Variants in ACACB observed in about 807,000 individuals in gnomAD.
ACACB encodes acetyl-CoA carboxylase beta.
Under a neutral mutation model 278.8 loss-of-function variants are expected in ACACB, and 209 were observed. That is an observed-to-expected ratio of 0.75 (90% confidence interval 0.67 to 0.84). ACACB has a LOEUF of 0.84. Among genes scored for constraint, ACACB ranks in the 40% least tolerant of loss-of-function variants. The probability of loss-of-function intolerance (pLI) is 0.00; values close to 1 mark genes in which losing one functional copy is unlikely to be tolerated. For synonymous variants in ACACB, 1,174 were observed against 1,285.6 expected (o/e 0.91, Z 1.86); for missense variants, 2,850 against 3,269.0 (o/e 0.87, Z 3.13).
intron 24 of ACACB, among the ~76,000 whole-genome samples, chr12:109,219,263 C>T (rs540825759): frequency 4.6e-5 from 7 of 152,130 alleles, no homozygotes; most frequent in Admixed American, 1.3e-4. Context: ...AGTTTGGCCA[C>T]GATCTCAGAG....
At chr12:109,226,300 A>G (rs778213375) in intron 27 of ACACB, among the ~76,000 whole-genome samples, 4 of 152,124 alleles carry the variant, frequency 2.6e-5, no homozygotes, top group African/African-American at 9.7e-5. Flanking sequence ...AAAGTTACAT[A>G]CACAGCTTGT....
intron 45 of ACACB, 32 bp downstream of exon 45, chr12:109,256,268 G>A (rs2047222120): frequency 1.3e-6 from 2 of 1,592,250 alleles, no homozygotes; most frequent in Non-Finnish European, 1.7e-6. Context: ...GGCTGCCCAT[G>A]TCTGACTCAC....
rs2136869615 is a variant in ACACB, at chr12:109,265,119, G to A, written c.6952G>A (p.Glu2318Lys). 1 of 1,608,858 alleles carries A rather than the reference G, an allele frequency of 6.2e-7. No individual in the cohort carries two copies. Among genetic ancestry groups the A allele is most frequent in the East Asian group, 2.2e-5 (1 of 44,838 alleles). The change falls in exon 51 of 53, where the codon GAG (glutamate) becomes AAG (lysine). Residue 2318 changes from glutamate (E) to lysine (K), a missense_variant. By Grantham distance (56) the Glu-to-Lys change is moderately conservative (BLOSUM62 1). Transcript: ENST00000338432. ...CCTGGCTCGTCCACAGGACATCCTG[G>A]AGTGGAAGACCGCACGCACCTTCCT... The part of the protein sequence containing the change: ...LEKGVISDIL[E>K]WKTARTFLYW...
intron 44 of ACACB, among the ~76,000 whole-genome samples, chr12:109,255,056 T>C (rs772536237): frequency 6.6e-6 from 1 of 152,076 alleles, no homozygotes; most frequent in Non-Finnish European, 1.5e-5. Flanking sequence ...ATTACAGACA[T>C]GAGCCACCAT....
At chr12:109,124,509 G>A (rs1230261325) in intron 1 of ACACB, among the ~76,000 whole-genome samples, 3 of 152,190 alleles carry the variant, frequency 2.0e-5, no homozygotes, top group African/African-American at 7.2e-5. Context: ...CCCACTTTTA[G>A]TGATTTTTGT....
At chr12:109,147,389 T>C (rs1459505675) in intron 2 of ACACB, among the ~76,000 whole-genome samples, 1 of 143,348 alleles carries the variant, frequency 7.0e-6, no homozygotes, top group Non-Finnish European at 1.5e-5. Flanking sequence ...CATGTCTGGC[T>C]ACTTTTTTTT....
chr12:109,160,601 T>C (rs1345264694), intron 2 of ACACB, among the ~76,000 whole-genome samples: 1 of 152,242 alleles, frequency 6.6e-6, no homozygotes, highest in African/African-American at 2.4e-5. Context: ...ACCCTTGCCG[T>C]GCTGTATAAG....
At chr12:109,140,890 CTTTTTTTTTT>C (rs386377714) in intron 2 of ACACB, among the ~76,000 whole-genome samples, 8,762 of 86,886 alleles carry the variant, frequency 0.1, 1,052 homozygotes, top group African/African-American at 0.31. Flanking sequence ...TTCATTCATT[CTTTTTTTTTT>C]TTTTTTTTTT....
At chr12:109,245,866 A>G (rs1463871205) in intron 38 of ACACB, 118 bp downstream of exon 38, 37 of 1,315,660 alleles carry the variant, frequency 2.8e-5, no homozygotes, top group Non-Finnish European at 3.1e-6. Flanking sequence ...AGGTGGGTGG[A>G]TCACTTGAGG....
chr12:109,259,128 T>C lies in ACACB; in HGVS notation c.6496+20T>C. ...TGAAAGGTAAGCCCCTCCCTGCCTA[T>C]GTTACCCCAAAGCCTTGGGGTCAGC... On this transcript the variant is annotated intron_variant, in intron 47 of 52. Coordinates refer to ENST00000338432, the MANE Select transcript of ACACB (RefSeq NM_001093.4). The C allele has an allele frequency of 6.2e-7, 1 of 1,612,792 alleles. No individual in the cohort carries two copies. Among genetic ancestry groups the C allele is most frequent in the Non-Finnish European group, 8.5e-7 (1 of 1,179,296 alleles).
intron 22 of ACACB, among the ~76,000 whole-genome samples, chr12:109,214,329 A>G (rs2045933120): frequency 6.6e-6 from 1 of 152,204 alleles, no homozygotes; most frequent in African/African-American, 2.4e-5. Context: ...CATGTTTCCC[A>G]TGTGCCAGAA....
chr12:109,185,094 A>G (rs1191005796), intron 11 of ACACB, among the ~76,000 whole-genome samples: 4 of 152,194 alleles, frequency 2.6e-5, no homozygotes, highest in Non-Finnish European at 5.9e-5. Flanking sequence ...TTGGCAGAAT[A>G]CTACACAGGT....
Position 109,253,079 on chromosome 12 carries a change from A to G in ACACB, c.5966A>G (p.Asn1989Ser), listed in dbSNP as rs756578908. The G allele has an allele frequency of 5.6e-6, 9 of 1,613,494 alleles. No individual in the cohort carries two copies. Among genetic ancestry groups the G allele is most frequent in the Admixed American group, 1.7e-5 (1 of 59,970 alleles). The change falls in exon 43 of 53, where the codon AAT becomes AGT. Residue 1989 changes from asparagine (N) to serine (S), a missense_variant. This residue lies in a region of ACACB where 579 missense variants were observed against 684.6 expected (regional missense o/e 0.85). Coordinates refer to ENST00000338432, the MANE Select transcript of ACACB (RefSeq NM_001093.4). Reference sequence around the variant, plus strand: ...GGTGGCGTTCAGATCATGCATTACAATGGTGTCTCCCACATCACCGTGCCA... The same window carrying G: ...GGTGGCGTTCAGATCATGCATTACAGTGGTGTCTCCCACATCACCGTGCCA... ...QLGGVQIMHYNGVSHITVPDD... is the reference protein window; with the variant it reads ...QLGGVQIMHYSGVSHITVPDD...
At chr12:109,113,730 T>G (rs1456658676), upstream of ACACB, among the ~76,000 whole-genome samples, 2 of 152,258 alleles carry the variant, frequency 1.3e-5, no homozygotes, top group East Asian at 3.8e-4. Context: ...GCAAACTTTT[T>G]GGCGTATGCG....
At chr12:109,225,645 T>G (rs1051708388) in intron 27 of ACACB, among the ~76,000 whole-genome samples, 1 of 152,276 alleles carries the variant, frequency 6.6e-6, no homozygotes, top group Admixed American at 6.5e-5. Context: ...CTGTATTAGC[T>G]CCTGCTGCCC....
At chr12:109,112,283 ATG>A (rs1024232326), upstream of ACACB, among the ~76,000 whole-genome samples, 13 of 147,244 alleles carry the variant, frequency 8.8e-5, no homozygotes, top group African/African-American at 3.1e-4. Flanking sequence ...GTATGTATAT[ATG>A]TATATATATT....
At chr12:109,159,395 C>T (rs1439649001) in intron 2 of ACACB, among the ~76,000 whole-genome samples, 1 of 152,218 alleles carries the variant, frequency 6.6e-6, no homozygotes, top group African/African-American at 2.4e-5. Context: ...CCTAATGGCC[C>T]AGCCTGGGCT....
intron 12 of ACACB, among the ~76,000 whole-genome samples, chr12:109,186,648 T>G (rs2044672870): frequency 6.6e-6 from 1 of 152,160 alleles, no homozygotes; most frequent in Non-Finnish European, 1.5e-5. Context: ...AATTGCTTAA[T>G]TATTACCCTC....
chr12:109,201,775 G>C, intron 19 of ACACB, 74 bp downstream of exon 19: 7 of 1,564,344 alleles, frequency 4.5e-6, no homozygotes, highest in Non-Finnish European at 6.1e-6. Context: ...CAGTGAGACA[G>C]GTGGACTCAA....
Sources: gnomAD v4.1 joint callset for allele counts (sites outside exome capture counted in the v4.1 genomes callset) on GRCh38, gnomAD v4.1.1 for gene constraint, gnomAD v4.1.1 regional missense constraint, MANE v1.5 for transcripts, NCBI Gene and HGNC (gene_info 2026-07-23, HGNC 2026-07-21) for gene names.